The following DNAH5 variants were observed in gnomAD, a reference collection of about 807,000 sequenced individuals.
The protein encoded by DNAH5 is dynein axonemal heavy chain 5.
In DNAH5, 372 loss-of-function variants were observed where a neutral mutation model predicts 518.2. The ratio of observed to expected loss-of-function variants is 0.72; its 90% CI spans 0.66 to 0.78. The LOEUF (loss-of-function observed/expected upper bound fraction) is 0.78. Ranked by LOEUF, DNAH5 falls within the 30% of genes least tolerant of loss-of-function variation. DNAH5 has a pLI of 0.00. For missense variants in DNAH5, 5,523 were observed against 5,687.0 expected (o/e 0.97, Z 0.93); for synonymous variants, 2,039 against 2,025.9 (o/e 1.01, Z -0.17).
intron 7 of DNAH5, among the ~76,000 whole-genome samples, chr5:13,917,637 A>C (rs1776788576): frequency 6.6e-6 from 1 of 152,130 alleles, no homozygotes; most frequent in Non-Finnish European, 1.5e-5. Flanking sequence ...ATCCCTATAC[A>C]TTTATCCATT....
In DNAH5 at chr5:13,777,260, T is replaced by C. The variant is rs779514365; in HGVS notation, c.9047A>G (p.Asn3016Ser). ...GKGITFIFTD[N>S]EIKDESFLEY... ...CAAAAATGACTCATCTTTAATCTCA[T>C]TGTCTGTGAAAATAAAAGTGATTCC... The change falls in exon 54 of 79, where the codon AAT becomes AGT. Residue 3016 changes from asparagine (N) to serine (S), a missense_variant. By Grantham distance (46) the Asn-to-Ser change is conservative. Transcript: ENST00000265104. The C allele has an allele frequency of 5.0e-6, 8 of 1,613,102 alleles. No individual in the cohort carries two copies. Among genetic ancestry groups the C allele is most frequent in the Admixed American group, 3.3e-5 (2 of 59,922 alleles).
chr5:13,944,322 C>T, intron 1 of DNAH5, 60 bp downstream of exon 1: 1 of 1,558,202 alleles, frequency 6.4e-7, no homozygotes, highest in South Asian at 1.1e-5. Flanking sequence ...TTTTTCCACC[C>T]AGGTGTGACA....
chr5:13,903,016 C>G (rs1432673625), intron 12 of DNAH5, among the ~76,000 whole-genome samples: 4 of 151,988 alleles, frequency 2.6e-5, no homozygotes, highest in East Asian at 1.9e-4. Flanking sequence ...AATGCACAAA[C>G]AGAATTAGTA....
intron 12 of DNAH5, among the ~76,000 whole-genome samples, chr5:13,907,095 G>A (rs1775398823): frequency 6.6e-6 from 1 of 152,124 alleles, no homozygotes; most frequent in South Asian, 2.1e-4. Context: ...GGGCAGTGGG[G>A]TGAACGCAAG....
rs776331623 is a variant in DNAH5 at position 13,922,075 on chromosome 5, C to G, written c.660+32G>C. On this transcript the variant is annotated intron_variant, in intron 5 of 78. Coordinates refer to ENST00000265104, the MANE Select transcript of DNAH5 (RefSeq NM_001369.3). The stretch of plus-strand genomic sequence containing the variant: ...GTACTGTGCTTGTTGACCACCTGAT[C>G]ATTTTTAAAGGAACAGCTTATTCGT... The G allele has an allele frequency of 1.1e-5, 17 of 1,606,968 alleles. No individual in the cohort carries two copies. The South Asian group carries it at 1.9e-4, about 18-fold the overall frequency.
At chr5:13,795,539 G>A (rs1370093124) in intron 47 of DNAH5, among the ~76,000 whole-genome samples, 2 of 152,218 alleles carry the variant, frequency 1.3e-5, no homozygotes, top group African/African-American at 4.8e-5. Context: ...AACAGGCTCT[G>A]CAATTGAGGC....
chr5:13,768,277 G>A (rs922057248), intron 58 of DNAH5, among the ~76,000 whole-genome samples: 1 of 152,092 alleles, frequency 6.6e-6, no homozygotes, highest in Admixed American at 6.5e-5. Context: ...GAGATCTGAT[G>A]GTTTCAAAGT....
chr5:13,837,350 G>C (rs779960783), intron 35 of DNAH5, among the ~76,000 whole-genome samples: 2 of 152,130 alleles, frequency 1.3e-5, no homozygotes, highest in Non-Finnish European at 2.9e-5. Flanking sequence ...ATCACGGTAG[G>C]GTTCGCTGGG....
At chr5:13,743,292 A>G (rs2126651875) in intron 65 of DNAH5, among the ~76,000 whole-genome samples, 1 of 152,188 alleles carries the variant, frequency 6.6e-6, no homozygotes, top group African/African-American at 2.4e-5. Flanking sequence ...TCTTATATAA[A>G]CTGTGATATA....
intron 55 of DNAH5, among the ~76,000 whole-genome samples, chr5:13,774,914 C>G (rs750112758): frequency 6.6e-6 from 1 of 152,110 alleles, no homozygotes; most frequent in African/African-American, 2.4e-5. Flanking sequence ...ATTGTTATTT[C>G]CATTGTTAAT....
intron 68 of DNAH5, among the ~76,000 whole-genome samples, chr5:13,730,995 C>T (rs188896508): frequency 7.1e-4 from 108 of 152,262 alleles, no homozygotes; most frequent in African/African-American, 2.4e-3. Flanking sequence ...TGAGCCACCG[C>T]GCCCGGCCTA....
chr5:13,755,242 G>C (rs907596904), intron 61 of DNAH5, among the ~76,000 whole-genome samples: 1 of 152,122 alleles, frequency 6.6e-6, no homozygotes, highest in African/African-American at 2.4e-5. Context: ...GTAGCTACCT[G>C]ACAAGTCACT....
intron 1 of DNAH5, among the ~76,000 whole-genome samples, chr5:13,936,325 C>T (rs1411376083): frequency 6.6e-6 from 1 of 152,176 alleles, no homozygotes; most frequent in Non-Finnish European, 1.5e-5. Context: ...ACACAATCTA[C>T]AGACTCAAAA....
intron 1 of DNAH5, among the ~76,000 whole-genome samples, chr5:13,937,137 C>T (rs1398828337): frequency 6.6e-6 from 1 of 151,934 alleles, no homozygotes; most frequent in Non-Finnish European, 1.5e-5. Flanking sequence ...GGTTGGGAAT[C>T]AAGCCCTTGC....
At position 13,809,144 on chromosome 5, in the gene DNAH5, T is replaced by TA. The variant is rs1340018682; in HGVS notation, c.7651dup (p.Tyr2551LeufsTer4). Reference sequence around the variant, plus strand: ...ATACTCTGGGGTGGTATCAGACGGATACAGGTATTCCTGGGTACGCGTGTT... The same window carrying TA: ...ATACTCTGGGGTGGTATCAGACGGATAACAGGTATTCCTGGGTACGCGTGTT... On this transcript the variant is annotated frameshift_variant, in exon 46 of 79. Transcript: ENST00000265104. LOFTEE classifies it high-confidence loss of function. 1 of 1,614,164 alleles carries TA rather than the reference T, an allele frequency of 6.2e-7. No individual in the cohort carries two copies. Among genetic ancestry groups the TA allele is most frequent in the Admixed American group, 1.7e-5 (1 of 60,016 alleles).
Position 13,691,953 on chromosome 5 carries a change from C to A in DNAH5, c.*31G>T. 6.2e-7 allele frequency: 1 copy of A among 1,613,818 alleles called. No individual in the cohort carries two copies. Among genetic ancestry groups the A allele is most frequent in the Non-Finnish European group, 8.5e-7 (1 of 1,179,826 alleles). ...ACAATAATTTAGATCTTGCATTTTC[C>A]AAAGCATTGGGTGGGGACACTCCCC... On this transcript the variant is annotated 3_prime_UTR_variant, in exon 79 of 79. Coordinates refer to ENST00000265104, the MANE Select transcript of DNAH5 (RefSeq NM_001369.3).
At chr5:13,713,224 C>A (rs547370757) in intron 75 of DNAH5, among the ~76,000 whole-genome samples, 173 of 142,824 alleles carry the variant, frequency 1.2e-3, no homozygotes, top group Non-Finnish European at 2.3e-3. Flanking sequence ...TATATACCGA[C>A]ATATATATGT....
At chr5:13,900,783 C>A in intron 14 of DNAH5, 1 of 321,508 alleles carries the variant, frequency 3.1e-6, no homozygotes, top group South Asian at 3.5e-5. Flanking sequence ...TTTTACTTAT[C>A]TAGAAAAACA....
chr5:13,973,746 T>C (rs894171664), intron 1 of DNAH5, among the ~76,000 whole-genome samples: 1 of 149,860 alleles, frequency 6.7e-6, no homozygotes, highest in Non-Finnish European at 1.5e-5. Flanking sequence ...AACAAAAAAC[T>C]TGGCAAATAG....
Sources: gnomAD v4.1 joint callset for allele counts (sites outside exome capture counted in the v4.1 genomes callset) on GRCh38, gnomAD v4.1.1 for gene constraint, MANE v1.5 for transcripts, NCBI Gene and HGNC (gene_info 2026-07-23, HGNC 2026-07-21) for gene names.